C12orf42: variants seen among roughly 807,000 people sequenced by gnomAD.
The protein encoded by C12orf42 is chromosome 12 open reading frame 42.
In C12orf42, 25 loss-of-function variants were observed where a neutral mutation model predicts 21.6. That is an observed-to-expected ratio of 1.16 (90% confidence interval 0.84 to 1.62). C12orf42 has a LOEUF of 1.62. C12orf42 is among the 40% of genes most tolerant of loss of function. The pLI is 0.00. For missense variants in C12orf42, 483 were observed against 459.3 expected, an observed-to-expected ratio of 1.05 and a Z score of -0.47; for synonymous variants, 174 against 175.0, an observed-to-expected ratio of 0.99 and a Z score of 0.05.
At chr12:103,251,990 A>G (rs2034330053) in intron 10 of C12orf42, among the ~76,000 whole-genome samples, 1 of 152,226 alleles carries the variant, frequency 6.6e-6, no homozygotes, top group South Asian at 2.1e-4. Flanking sequence ...TCTGGGATAC[A>G]TGTGCTGAAT....
the C12orf42 span, chr12:103,505,420 A>G: frequency 2.8e-6 from 1 of 360,038 alleles, no homozygotes; most frequent in Non-Finnish European, 5.2e-6. Flanking sequence ...TTGACTGGTA[A>G]CCACCTGAGA....
the C12orf42 span, among the ~76,000 whole-genome samples, chr12:103,134,414 C>T: frequency 0.36 from 54,018 of 151,544 alleles, 10,130 homozygotes; most frequent in East Asian, 0.48. Flanking sequence ...GAGCTAGATA[C>T]CATAAAAAGG....
At chr12:103,345,578 T>G (rs1338292635) in intron 4 of C12orf42, among the ~76,000 whole-genome samples, 10 of 152,292 alleles carry the variant, frequency 6.6e-5, no homozygotes, top group Admixed American at 6.5e-4. Flanking sequence ...TCATTAGGAC[T>G]AATTTTGCTG....
At chr12:103,538,535 T>C in the C12orf42 span, among the ~76,000 whole-genome samples, 1 of 152,192 alleles carries the variant, frequency 6.6e-6, no homozygotes, top group Non-Finnish European at 1.5e-5. Context: ...AGAAGACAAG[T>C]AGAAGTCATT....
At chr12:103,279,092 A>G (rs1052544532) in intron 4 of C12orf42, among the ~76,000 whole-genome samples, 2 of 152,244 alleles carry the variant, frequency 1.3e-5, no homozygotes, top group African/African-American at 4.8e-5. Context: ...CATCATCAGT[A>G]GGTATAAAGT....
chr12:103,269,708 C>G (rs1443468595), intron 6 of C12orf42: 1 of 152,090 alleles, frequency 6.6e-6, no homozygotes, highest in Non-Finnish European at 1.5e-5. Flanking sequence ...AGACCCAGTC[C>G]CTCCCCTCAA....
At chr12:103,233,758 T>C (rs2033379756), downstream of C12orf42, among the ~76,000 whole-genome samples, 1 of 152,204 alleles carries the variant, frequency 6.6e-6, no homozygotes, top group African/African-American at 2.4e-5. Context: ...GAGACAGTCA[T>C]GTCACCTACA....
At chr12:103,305,315 A>G (rs544431040) in intron 5 of C12orf42, among the ~76,000 whole-genome samples, 4 of 152,320 alleles carry the variant, frequency 2.6e-5, no homozygotes, top group South Asian at 2.1e-4. Context: ...CATCAGCACC[A>G]TAAGTACCAC....
chr12:103,180,615 C>CTT, the C12orf42 span, among the ~76,000 whole-genome samples: 185 of 61,996 alleles, frequency 3.0e-3, 12 homozygotes, highest in African/African-American at 0.011. Flanking sequence ...AAATAATTTC[C>CTT]TTTTTTTTTT....
the C12orf42 span, among the ~76,000 whole-genome samples, chr12:103,192,000 A>G: frequency 6.6e-6 from 1 of 152,106 alleles, no homozygotes; most frequent in Admixed American, 6.5e-5. Flanking sequence ...CAAAAATTCT[A>G]TAGTATACAA....
chr12:103,273,534 A>G (rs1287713555), intron 5 of C12orf42, among the ~76,000 whole-genome samples: 1 of 152,138 alleles, frequency 6.6e-6, no homozygotes, highest in Admixed American at 6.6e-5. Context: ...CAACTCTGTA[A>G]TCTTGAGCCA....
chr12:103,554,614 T>C, the C12orf42 span, among the ~76,000 whole-genome samples: 2 of 151,642 alleles, frequency 1.3e-5, no homozygotes, highest in East Asian at 3.9e-4. Flanking sequence ...TTTGGTTCTA[T>C]GGGCTGTACA....
chr12:103,490,746 G>A (rs956766888), intron 1 of C12orf42, among the ~76,000 whole-genome samples: 6 of 151,650 alleles, frequency 4.0e-5, no homozygotes, highest in African/African-American at 1.2e-4. Context: ...AGTTTATTAT[G>A]TTAAATAAGT....
At chr12:103,552,469 C>T in the C12orf42 span, among the ~76,000 whole-genome samples, 1 of 152,118 alleles carries the variant, frequency 6.6e-6, no homozygotes, top group African/African-American at 2.4e-5. Context: ...GAACAAAAGA[C>T]AAATAATTAA....
At chr12:103,327,145 G>A (rs938956559) in intron 4 of C12orf42, among the ~76,000 whole-genome samples, 5 of 152,206 alleles carry the variant, frequency 3.3e-5, no homozygotes, top group South Asian at 2.1e-4. Context: ...TGGAATACTC[G>A]GGCTGGGACC....
the C12orf42 span, among the ~76,000 whole-genome samples, chr12:103,048,352 G>A: frequency 6.6e-6 from 1 of 152,076 alleles, no homozygotes; most frequent in Non-Finnish European, 1.5e-5. Flanking sequence ...AATAACATCT[G>A]GATTACAAGG....
the C12orf42 span, among the ~76,000 whole-genome samples, chr12:103,114,861 G>A: frequency 2.0e-4 from 30 of 152,156 alleles, no homozygotes; most frequent in African/African-American, 7.0e-4. Flanking sequence ...TTACCAATCA[G>A]ATAGAGGATT....
At chr12:103,366,873 G>A (rs541020548) in intron 4 of C12orf42, among the ~76,000 whole-genome samples, 23 of 152,096 alleles carry the variant, frequency 1.5e-4, no homozygotes, top group African/African-American at 4.1e-4. Context: ...TAGTGCAACC[G>A]CTATGGAAAA....
intron 2 of C12orf42, among the ~76,000 whole-genome samples, chr12:103,438,304 T>C (rs1381361625): frequency 6.6e-6 from 1 of 152,030 alleles, no homozygotes; most frequent in Non-Finnish European, 1.5e-5. Context: ...AATATCATAC[T>C]GAATGGGCAA....
Sources: gnomAD v4.1 joint callset for allele counts (sites outside exome capture counted in the v4.1 genomes callset) on GRCh38, gnomAD v4.1.1 for gene constraint, MANE v1.5 for transcripts, NCBI Gene and HGNC (gene_info 2026-07-23, HGNC 2026-07-21) for gene names.